PLPPR4: variants seen among roughly 807,000 people sequenced by gnomAD.
PLPPR4 encodes phospholipid phosphatase-related protein type 4.
Under a neutral mutation model 56.6 loss-of-function variants are expected in PLPPR4, and 24 were observed. That is an observed-to-expected ratio of 0.42 (90% CI 0.31 to 0.60). The LOEUF (loss-of-function observed/expected upper bound fraction) is 0.60, where lower values mean the gene tolerates loss of function less well. Among genes scored for constraint, PLPPR4 ranks in the 20% least tolerant of loss-of-function variants. The pLI is 0.13. For synonymous variants in PLPPR4, 326 were observed against 328.1 expected, an observed-to-expected ratio of 0.99 and a Z score of 0.07; for missense variants, 654 against 885.8, an observed-to-expected ratio of 0.74 and a Z score of 3.32.
At chr1:99,294,606 G>A (rs751216378) in intron 2 of PLPPR4, among the ~76,000 whole-genome samples, 1 of 150,126 alleles carries the variant, frequency 6.7e-6, no homozygotes, top group African/African-American at 2.5e-5. Context: ...TGAGGCGGGA[G>A]AATGGCTTGA....
intron 1 of PLPPR4, among the ~76,000 whole-genome samples, chr1:99,277,483 A>T (rs1294754307): frequency 6.6e-6 from 1 of 152,162 alleles, no homozygotes; most frequent in East Asian, 1.9e-4. Context: ...GGACAAGACA[A>T]ATGTTTTCCT....
chr1:99,296,884 A>T lies in PLPPR4; in HGVS notation c.394+17A>T. On this transcript the variant is annotated intron_variant, in intron 3 of 6. Transcript: ENST00000370185. ...GATTCGTTGGTGGGTGTGGGGAACC[A>T]CAAAGAAAAGAAATGCTTTTTTTTT... is the stretch of plus-strand genomic sequence containing the variant. 11 of 1,521,382 alleles carry T rather than the reference A, an allele frequency of 7.2e-6. No homozygotes were observed. The South Asian group carries it at 1.2e-4, about 16-fold the overall frequency. 94.2% of individuals were successfully genotyped at this position (1,521,382 alleles called of 1,614,324 possible). A position where few individuals can be genotyped will look rare whatever the true frequency, so the allele number is the denominator to read the frequency against.
chr1:99,271,420 A>G (rs11166206), intron 1 of PLPPR4, among the ~76,000 whole-genome samples: 10,535 of 152,196 alleles, frequency 0.069, 597 homozygotes, highest in East Asian at 0.17. Context: ...GCTTCCAACA[A>G]CAATGCTAAA....
chr1:99,268,269 G>C (rs1056677693), intron 1 of PLPPR4, among the ~76,000 whole-genome samples: 1 of 152,240 alleles, frequency 6.6e-6, no homozygotes, highest in Non-Finnish European at 1.5e-5. Flanking sequence ...CACTGGGAGT[G>C]TCCAAGCACA....
At chr1:99,302,151 G>C (rs1388776179) in intron 6 of PLPPR4, among the ~76,000 whole-genome samples, 2 of 152,036 alleles carry the variant, frequency 1.3e-5, no homozygotes, top group Non-Finnish European at 2.9e-5. Flanking sequence ...CAGGAGGTGG[G>C]CAGGGACTAC....
intron 1 of PLPPR4, among the ~76,000 whole-genome samples, chr1:99,281,191 A>G (rs750040979): frequency 1.3e-5 from 2 of 152,214 alleles, no homozygotes; most frequent in Non-Finnish European, 2.9e-5. Flanking sequence ...AATGAAGCCC[A>G]GAAAGGTTAA....
chr1:99,288,461 A>AT (rs1185816155), intron 2 of PLPPR4, among the ~76,000 whole-genome samples: 2 of 151,486 alleles, frequency 1.3e-5, no homozygotes, highest in Non-Finnish European at 3.0e-5. Context: ...ATACTTCCTA[A>AT]TTAACTTACT....
At chr1:99,265,121 T>C (rs1371729355) in intron 1 of PLPPR4, among the ~76,000 whole-genome samples, 2 of 147,790 alleles carry the variant, frequency 1.4e-5, no homozygotes, top group Admixed American at 6.9e-5. Flanking sequence ...GTACAAATAT[T>C]GTTAATTGCT....
upstream of PLPPR4, chr1:99,264,299 T>C (rs973229498): frequency 4.6e-6 from 3 of 647,570 alleles, no homozygotes; most frequent in Non-Finnish European, 7.6e-6. Flanking sequence ...GGGGAAGCCA[T>C]TGCAGCAACA....
intron 1 of PLPPR4, among the ~76,000 whole-genome samples, chr1:99,284,837 A>C (rs1001918749): frequency 1.3e-5 from 2 of 152,150 alleles, no homozygotes; most frequent in African/African-American, 4.8e-5. Context: ...AGTCACTATA[A>C]CGTGTATCAG....
At chr1:99,264,460 CT>C, upstream of PLPPR4, 1 of 1,501,612 alleles carries the variant, frequency 6.7e-7, no homozygotes, top group Non-Finnish European at 8.8e-7. Context: ...ATGCAGCGCG[CT>C]GGCTCCAGCG....
intron 1 of PLPPR4, among the ~76,000 whole-genome samples, chr1:99,284,416 G>A (rs1659412927): frequency 6.6e-6 from 1 of 151,890 alleles, no homozygotes; most frequent in Non-Finnish European, 1.5e-5. Context: ...GAGTAAATAT[G>A]CTTTTTAAAA....
chr1:99,295,011 A>T (rs980757735), intron 2 of PLPPR4, among the ~76,000 whole-genome samples: 1 of 152,214 alleles, frequency 6.6e-6, no homozygotes, highest in African/African-American at 2.4e-5. Context: ...TAATTGTTGT[A>T]CTATGTTGTA....
At chr1:99,265,899 A>G (rs921399858) in intron 1 of PLPPR4, among the ~76,000 whole-genome samples, 2 of 152,222 alleles carry the variant, frequency 1.3e-5, no homozygotes, top group Non-Finnish European at 1.5e-5. Context: ...TTCAGTTTCA[A>G]GAAAGATGTA....
chr1:99,278,518 A>G (rs1659247605), intron 1 of PLPPR4, among the ~76,000 whole-genome samples: 1 of 152,206 alleles, frequency 6.6e-6, no homozygotes. Flanking sequence ...GAAAGGATTT[A>G]AAAGCAATTA....
At position 99,306,697 on chromosome 1, in the gene PLPPR4, C is replaced by T. The variant is rs1442827389; in HGVS notation, c.1835C>T (p.Thr612Ile). 5 of 1,614,126 alleles carry T rather than the reference C, an allele frequency of 3.1e-6. No individual in the cohort carries two copies. The highest frequency in any genetic ancestry group is 1.7e-5 in the Admixed American group (1 of 60,020). The change falls in exon 7 of 7, where the codon ACT becomes ATT. Residue 612 changes from threonine to isoleucine, a missense_variant. Physicochemically the swap from Thr to Ile is moderately conservative, Grantham distance 89. Around this residue, in one of 2 missense-constraint regions of PLPPR4, gnomAD observed 468 missense variants for 554.3 expected, o/e 0.84. Coordinates refer to ENST00000370185, the MANE Select transcript of PLPPR4 (RefSeq NM_014839.5). The surrounding 1 kb of genome is among the most constrained non-coding windows in gnomAD (Gnocchi z 4.0). The stretch of plus-strand genomic sequence containing the variant: ...CCTGAAAAGGGCAGCCTTCGCCAAA[C>T]TTACGAGCTCAACGATCTCAACAGG... ...KAPEKGSLRQ[T>I]YELNDLNRDS...
chr1:99,265,721 C>T (rs1009876748), intron 1 of PLPPR4, among the ~76,000 whole-genome samples: 36 of 151,986 alleles, frequency 2.4e-4, no homozygotes, highest in Non-Finnish European at 2.8e-4. Flanking sequence ...GAGGTTTAGC[C>T]CTTCGAAGTG....
chr1:99,291,863 T>C (rs1027063864), intron 2 of PLPPR4, among the ~76,000 whole-genome samples: 2 of 152,074 alleles, frequency 1.3e-5, no homozygotes, highest in African/African-American at 4.8e-5. Flanking sequence ...CCCCATGACA[T>C]GTGTTCACCT....
At position 99,306,859 on chromosome 1, in the gene PLPPR4, G is replaced by T; in HGVS notation, c.1997G>T (p.Gly666Val). 6.2e-7 allele frequency: 1 copy of T among 1,614,122 alleles called. No homozygotes were observed. The highest frequency in any genetic ancestry group is 8.5e-7 in the Non-Finnish European group (1 of 1,180,018). The change falls in exon 7 of 7, where the codon GGC becomes GTC. Residue 666 changes from glycine (G) to valine (V), a missense_variant. Gly to Val is a moderately radical substitution (Grantham distance 109, BLOSUM62 -3). This residue lies in a region of PLPPR4 where 468 missense variants were observed against 554.3 expected (regional missense o/e 0.84). Coordinates refer to ENST00000370185, the MANE Select transcript of PLPPR4 (RefSeq NM_014839.5). This position sits in a 1 kb window ranked among gnomAD's most constrained non-coding sequence, Gnocchi z 4.0. ...RVTPVEGSEI[G>V]SETLSISSSR... ...ACCCCAGTAGAGGGCAGCGAAATTG[G>T]CTCAGAGACGCTGTCCATTTCTTCT...
Sources: allele counts gnomAD v4.1 joint callset (sites outside exome capture counted in the v4.1 genomes callset), GRCh38; gene constraint gnomAD v4.1.1; regional missense constraint gnomAD v4.1.1; non-coding constraint Gnocchi (gnomAD v3.1); transcripts MANE v1.5; gene names NCBI Gene and HGNC (gene_info 2026-07-23, HGNC 2026-07-21).